Variants in COL4A2 observed in about 807,000 individuals in gnomAD.
COL4A2 encodes collagen alpha-2(IV) chain.
In COL4A2, 99 loss-of-function variants were observed where a neutral mutation model predicts 200.2. The ratio of observed to expected loss-of-function variants is 0.49; its 90% confidence interval spans 0.42 to 0.58. The LOEUF (loss-of-function observed/expected upper bound fraction) is 0.58, where lower values mean the gene tolerates loss of function less well. Among genes scored for constraint, COL4A2 ranks in the 20% least tolerant of loss-of-function variants. The pLI is 0.00. For synonymous variants in COL4A2, 897 were observed against 900.6 expected (o/e 1.00, Z 0.07); for missense variants, 1,950 against 2,314.1 (o/e 0.84, Z 3.23).
intron 4 of COL4A2, among the ~76,000 whole-genome samples, chr13:110,381,173 T>C (rs1343678325): frequency 6.6e-6 from 1 of 150,816 alleles, no homozygotes; most frequent in Admixed American, 6.6e-5. Context: ...CCACGGGCTC[T>C]ATCTCACATC....
At chr13:110,405,484 C>T (rs9521746) in intron 4 of COL4A2, among the ~76,000 whole-genome samples, 87,769 of 150,254 alleles carry the variant, frequency 0.58, 26,313 homozygotes, top group Non-Finnish European at 0.66. Context: ...CACTCCCAGA[C>T]CCGTCTTCTC....
intron 3 of COL4A2, among the ~76,000 whole-genome samples, chr13:110,338,131 T>A (rs1314299223): frequency 6.6e-6 from 1 of 152,196 alleles, no homozygotes; most frequent in Non-Finnish European, 1.5e-5. Context: ...CCTTGTTGAG[T>A]CTGTTTCATG....
At chr13:110,378,285 T>C (rs1456653414) in intron 4 of COL4A2, among the ~76,000 whole-genome samples, 2 of 152,130 alleles carry the variant, frequency 1.3e-5, no homozygotes, top group Non-Finnish European at 2.9e-5. Context: ...TAAATAAAAC[T>C]CAGATGTAAG....
At chr13:110,346,684 C>A (rs769203664) in intron 3 of COL4A2, among the ~76,000 whole-genome samples, 1 of 152,210 alleles carries the variant, frequency 6.6e-6, no homozygotes, top group African/African-American at 2.4e-5. Flanking sequence ...CCCCTTTGGT[C>A]GCTGTCCTGC....
intron 3 of COL4A2, 55 bp from the exon 4 acceptor site, chr13:110,357,417 T>C: frequency 6.5e-7 from 1 of 1,549,730 alleles, no homozygotes; most frequent in Non-Finnish European, 8.7e-7. Flanking sequence ...TTAATACATG[T>C]TGTAGTTGGC....
intron 4 of COL4A2, among the ~76,000 whole-genome samples, chr13:110,412,387 C>T (rs4773182): frequency 0.69 from 104,434 of 152,030 alleles, 37,436 homozygotes; most frequent in East Asian, 0.93. Flanking sequence ...CAAATCTGTG[C>T]CTCCAGCCAA....
intron 4 of COL4A2, among the ~76,000 whole-genome samples, chr13:110,381,546 A>T (rs1424528166): frequency 6.6e-6 from 1 of 152,214 alleles, no homozygotes; most frequent in Non-Finnish European, 1.5e-5. Context: ...TGACCCTATT[A>T]GTGACTGTCT....
chr13:110,503,538 T>G, intron 43 of COL4A2, 57 bp downstream of exon 43: 1 of 1,083,730 alleles, frequency 9.2e-7, no homozygotes, highest in Non-Finnish European at 1.3e-6. Flanking sequence ...TCTCCAGGCT[T>G]GGGGACATCC....
At chr13:110,341,763 CG>C (rs1876464811) in intron 3 of COL4A2, among the ~76,000 whole-genome samples, 1 of 152,206 alleles carries the variant, frequency 6.6e-6, no homozygotes, top group Non-Finnish European at 1.5e-5. Context: ...AGCTCTGTCT[CG>C]CTGCCAGAGG....
chr13:110,425,096 T>C (rs1274487671), intron 6 of COL4A2, 99 bp downstream of exon 6: 2 of 1,450,600 alleles, frequency 1.4e-6, no homozygotes, highest in Middle Eastern at 1.8e-4. Flanking sequence ...CCTCCTTTTT[T>C]GTTTATGACA....
At chr13:110,309,121 T>C (rs1360154) in intron 3 of COL4A2, among the ~76,000 whole-genome samples, 44,921 of 152,144 alleles carry the variant, frequency 0.3, 7,024 homozygotes, top group Middle Eastern at 0.4. Context: ...TCATTTGAAT[T>C]CTGTTGTTTT....
intron 34 of COL4A2, among the ~76,000 whole-genome samples, chr13:110,486,433 A>AT (rs1883121148): frequency 6.6e-6 from 1 of 152,210 alleles, no homozygotes; most frequent in Admixed American, 6.5e-5. Context: ...TGTGTATAAC[A>AT]TAGCACAGCG....
intron 43 of COL4A2, 130 bp downstream of exon 43, chr13:110,503,611 A>G: frequency 1.4e-6 from 1 of 722,262 alleles, no homozygotes; most frequent in Admixed American, 2.9e-5. Context: ...GCAGGGAGGA[A>G]ACCAAGGCTG....
At chr13:110,364,894 T>G (rs1305792434) in intron 4 of COL4A2, among the ~76,000 whole-genome samples, 1 of 152,162 alleles carries the variant, frequency 6.6e-6, no homozygotes, top group Non-Finnish European at 1.5e-5. Flanking sequence ...GAAATAAAAT[T>G]TAAAATTCAG....
intron 20 of COL4A2, among the ~76,000 whole-genome samples, chr13:110,455,424 G>A (rs1429632466): frequency 2.0e-5 from 3 of 152,040 alleles, no homozygotes; most frequent in African/African-American, 7.2e-5. Context: ...CCTCAGAAAG[G>A]ACTCAGCTGA....
At position 110,484,973 on chromosome 13, in the gene COL4A2, G is replaced by A. The variant is rs2139528214; in HGVS notation, c.2971G>A (p.Gly991Arg). 1 of 1,613,214 alleles carries A rather than the reference G, an allele frequency of 6.2e-7. No homozygotes were observed. The highest frequency in any genetic ancestry group is 1.3e-5 in the African/African-American group (1 of 75,026). The part of the protein sequence containing the change: ...VILPGMKDIK[G>R]EKGDEGPMGL... ...CCTGCCAGGAATGAAAGACATTAAAGGAGAGAAAGGAGATGAAGGGCCTAT... is the reference window on the plus strand; with the variant it reads ...CCTGCCAGGAATGAAAGACATTAAAAGAGAGAAAGGAGATGAAGGGCCTAT... Residue 991 changes from glycine (G) to arginine (R), a missense_variant, in exon 33 of 48, where the codon GGA becomes AGA. Physicochemically the swap from Gly to Arg is moderately radical, Grantham distance 125. Around this residue, in one of 2 missense-constraint regions of COL4A2, gnomAD observed 1,385 missense variants for 1,720.5 expected, o/e 0.80. Coordinates refer to ENST00000360467, the MANE Select transcript of COL4A2 (RefSeq NM_001846.4).
intron 3 of COL4A2, among the ~76,000 whole-genome samples, chr13:110,354,793 C>T (rs557817969): frequency 6.6e-6 from 1 of 152,234 alleles, no homozygotes; most frequent in Admixed American, 6.5e-5. Flanking sequence ...GGAGTCATTG[C>T]TGGAACCCAA....
In COL4A2 at chr13:110,438,032, A is replaced by G; in HGVS notation, c.856A>G (p.Ile286Val). Residue 286 changes from isoleucine to valine, a missense_variant, in exon 14 of 48, where the codon ATA (isoleucine) becomes GTA (valine). By Grantham distance (29) the Ile-to-Val change is conservative. Transcript: ENST00000360467. ...GEKGSEGEPG[I>V]RGISLKGEEG... is the part of the protein sequence containing the mutation. Reference sequence around the variant, plus strand: ...AAAAGGCAGTGAGGGGGAACCAGGAATAAGAGTAAGTCGAGTAATGAGCAT... The same window carrying G: ...AAAAGGCAGTGAGGGGGAACCAGGAGTAAGAGTAAGTCGAGTAATGAGCAT... The G allele has an allele frequency of 6.2e-7, 1 of 1,613,470 alleles. No individual in the cohort carries two copies. The highest frequency in any genetic ancestry group is 8.5e-7 in the Non-Finnish European group (1 of 1,179,516).
At chr13:110,358,624 G>T (rs1260731707) in intron 4 of COL4A2, among the ~76,000 whole-genome samples, 1 of 152,188 alleles carries the variant, frequency 6.6e-6, no homozygotes, top group East Asian at 1.9e-4. Flanking sequence ...CAAACATGTG[G>T]GTTATGCGCT....
Sources: gnomAD v4.1 joint callset for allele counts (sites outside exome capture counted in the v4.1 genomes callset) on GRCh38, gnomAD v4.1.1 for gene constraint, gnomAD v4.1.1 regional missense constraint, MANE v1.5 for transcripts, NCBI Gene and HGNC (gene_info 2026-07-23, HGNC 2026-07-21) for gene names.